Variants in RALGPS2 observed in about 807,000 individuals in gnomAD.
RALGPS2 encodes the protein ras-specific guanine nucleotide-releasing factor RalGPS2.
RALGPS2 carries 43 observed loss-of-function variants against 86.8 expected under a neutral mutation model. That is an observed-to-expected ratio of 0.50 (90% CI 0.39 to 0.64). The LOEUF (loss-of-function observed/expected upper bound fraction) is 0.64. Ranked by LOEUF, RALGPS2 falls within the 30% of genes least tolerant of loss-of-function variation. RALGPS2 has a pLI of 0.00. For missense variants in RALGPS2, 536 were observed against 694.6 expected (o/e 0.77, Z 2.57); for synonymous variants, 243 against 231.3 (o/e 1.05, Z -0.46).
intron 17 of RALGPS2, among the ~76,000 whole-genome samples, chr1:178,899,652 G>T (rs60209294): frequency 0.098 from 11,958 of 121,832 alleles, 1,374 homozygotes; most frequent in African/African-American, 0.34. Context: ...TTTTGGTTTT[G>T]GTTTTTTTTT....
In RALGPS2 at chr1:178,914,808, C is replaced by T. The variant is rs561017999; in HGVS notation, c.1723-1522C>T. ...ATAAAGGACATGAAATGTCATAGAG[C>T]GAAAATTATTTTTTGCCTTGTCAGG... On this transcript the variant is annotated intron_variant, in intron 19 of 19. Transcript: ENST00000367635. Among the ~76,000 whole-genome samples, 6 of 152,136 alleles carry T rather than the reference C, an allele frequency of 3.9e-5. No homozygotes were observed. The South Asian group carries it at 8.3e-4, about 21-fold the overall frequency.
intron 7 of RALGPS2, among the ~76,000 whole-genome samples, chr1:178,825,357 G>T (rs1300422521): frequency 6.6e-6 from 1 of 152,120 alleles, no homozygotes; most frequent in Non-Finnish European, 1.5e-5. Flanking sequence ...ATGATGAACA[G>T]TGAAAAGGTA....
intron 10 of RALGPS2, among the ~76,000 whole-genome samples, chr1:178,881,420 T>C (rs1022989849): frequency 3.9e-5 from 6 of 152,064 alleles, no homozygotes; most frequent in African/African-American, 1.2e-4. Context: ...TTTGGTGTTA[T>C]TGGGACATCA....
chr1:178,808,034 T>C lies in RALGPS2; in HGVS notation c.214-11T>C, dbSNP rs995409451. On this transcript the variant is annotated splice_polypyrimidine_tract_variant and intron_variant, in intron 4 of 19. Transcript: ENST00000367635. Reference sequence around the variant, plus strand: ...TATTACTTAAATTTAATTTTCACCTTAATTTTCCAGGAGCTTTCAAGTTGT... The same window carrying C: ...TATTACTTAAATTTAATTTTCACCTCAATTTTCCAGGAGCTTTCAAGTTGT... 1.9e-6 allele frequency: 3 copies of C among 1,579,680 alleles called. No homozygotes were observed. Among genetic ancestry groups the C allele is most frequent in the African/African-American group, 2.7e-5 (2 of 74,138 alleles).
At chr1:178,819,431 C>G (rs1261140253) in intron 6 of RALGPS2, among the ~76,000 whole-genome samples, 1 of 152,162 alleles carries the variant, frequency 6.6e-6, no homozygotes, top group Admixed American at 6.5e-5. Flanking sequence ...TTACTTCTAT[C>G]CTGCCCTTAC....
chr1:178,862,162 C>T (rs112933082), intron 8 of RALGPS2, among the ~76,000 whole-genome samples: 3,726 of 152,134 alleles, frequency 0.024, 146 homozygotes, highest in African/African-American at 0.085. Context: ...CATGAGCCAC[C>T]ATGCCCGGCG....
chr1:178,885,899 CTTTATATAAAGAGCAG>C, intron 12 of RALGPS2, 54 bp from the exon 13 acceptor site: 1 of 1,301,712 alleles, frequency 7.7e-7, no homozygotes, highest in Non-Finnish European at 1.1e-6. Context: ...TGTCCTAAAT[CTTTATATAAAGAGCAG>C]TTTTTAAATT....
At chr1:178,902,335 G>A (rs1190090139) in intron 18 of RALGPS2, 124 bp downstream of exon 18, 1 of 660,048 alleles carries the variant, frequency 1.5e-6, no homozygotes, top group Non-Finnish European at 2.5e-6. Flanking sequence ...AGAACTTGAT[G>A]AGCCAAAACC....
chr1:178,785,691 T>C, intron 4 of RALGPS2, 84 bp downstream of exon 4: 1 of 1,454,432 alleles, frequency 6.9e-7, no homozygotes. Flanking sequence ...AAATTATACT[T>C]CATATTAATT....
intron 8 of RALGPS2, among the ~76,000 whole-genome samples, chr1:178,837,118 T>A (rs1381319556): frequency 1.3e-5 from 2 of 152,224 alleles, no homozygotes; most frequent in East Asian, 3.9e-4. Context: ...ATCGGAGTGG[T>A]CTCATTCAGG....
rs1205170786 is a variant in RALGPS2 at position 178,851,298 on chromosome 1, T to C, written c.607+17748T>C. On this transcript the variant is annotated intron_variant, in intron 8 of 19. Coordinates refer to ENST00000367635, the MANE Select transcript of RALGPS2 (RefSeq NM_152663.5). ...GGCATTGTACCACCAGCCTCCTTTA[T>C]GAAAGTGGGCGCAGTTTCCTTTGAG... 1 of 1,611,224 alleles carries C rather than the reference T, an allele frequency of 6.2e-7. No individual in the cohort carries two copies. The highest frequency in any genetic ancestry group is 8.5e-7 in the Non-Finnish European group (1 of 1,179,096).
chr1:178,859,815 T>TC (rs1657852925), intron 8 of RALGPS2, among the ~76,000 whole-genome samples: 1 of 17,708 alleles, frequency 5.6e-5, no homozygotes, highest in African/African-American at 2.5e-4. Flanking sequence ...CTCCTGCCTC[T>TC]GCCCGCCCCC....
At chr1:178,746,420 CTCCTAATTTAT>C (rs1315591965) in intron 1 of RALGPS2, among the ~76,000 whole-genome samples, 1 of 152,176 alleles carries the variant, frequency 6.6e-6, no homozygotes, top group Non-Finnish European at 1.5e-5. Flanking sequence ...AAAGTAATCT[CTCCTAATTTAT>C]TTCTTGTACA....
At chr1:178,857,285 T>C (rs973968777) in intron 8 of RALGPS2, among the ~76,000 whole-genome samples, 6 of 152,328 alleles carry the variant, frequency 3.9e-5, no homozygotes, top group South Asian at 4.1e-4. Flanking sequence ...AATTCAGATA[T>C]GTAGATATGA....
intron 8 of RALGPS2, among the ~76,000 whole-genome samples, chr1:178,870,100 C>G (rs1658658014): frequency 1.3e-5 from 2 of 151,946 alleles, no homozygotes; most frequent in Non-Finnish European, 2.9e-5. Flanking sequence ...TTCTGTCATC[C>G]AAATTAAATT....
At chr1:178,795,679 G>A (rs1159352642) in intron 4 of RALGPS2, among the ~76,000 whole-genome samples, 1 of 152,134 alleles carries the variant, frequency 6.6e-6, no homozygotes, top group Admixed American at 6.6e-5. Flanking sequence ...CTCCCAAAGT[G>A]CTGGATTACA....
chr1:178,740,712 T>G (rs1650971682), intron 1 of RALGPS2, among the ~76,000 whole-genome samples: 1 of 152,160 alleles, frequency 6.6e-6, no homozygotes, highest in Admixed American at 6.5e-5. Context: ...GATTCTAGTT[T>G]CTGGCACTGT....
At chr1:178,824,572 G>A (rs929195656) in intron 7 of RALGPS2, among the ~76,000 whole-genome samples, 3 of 152,108 alleles carry the variant, frequency 2.0e-5, no homozygotes, top group Non-Finnish European at 4.4e-5. Context: ...ACTTTGGGAG[G>A]CCAAGTCGGG....
chr1:178,834,762 G>C (rs971554180), intron 8 of RALGPS2, among the ~76,000 whole-genome samples: 3 of 152,096 alleles, frequency 2.0e-5, no homozygotes, highest in Non-Finnish European at 4.4e-5. Flanking sequence ...GGTTGTTGCT[G>C]TCATTGTTTG....
Sources: gnomAD v4.1 joint callset for allele counts (sites outside exome capture counted in the v4.1 genomes callset) on GRCh38, gnomAD v4.1.1 for gene constraint, MANE v1.5 for transcripts, NCBI Gene and HGNC (gene_info 2026-07-23, HGNC 2026-07-21) for gene names.